The following RBM39 variants were observed in gnomAD, a reference collection of about 807,000 sequenced individuals.
The protein encoded by RBM39 is RNA-binding protein 39.
In RBM39, 12 loss-of-function variants were observed where a neutral mutation model predicts 79.6. The observed-to-expected ratio is 0.15, with a 90% CI of 0.10 to 0.24. The LOEUF is 0.24. Among genes scored for constraint, RBM39 ranks in the 10% least tolerant of loss-of-function variants. RBM39 has a pLI of 1.00. For synonymous variants in RBM39, 185 were observed against 208.4 expected (o/e 0.89, Z 0.97); for missense variants, 243 against 653.4 (o/e 0.37, Z 6.85).
chr20:35,723,442 CT>C (rs1031613776), intron 8 of RBM39, among the ~76,000 whole-genome samples: 3 of 152,062 alleles, frequency 2.0e-5, no homozygotes, highest in Admixed American at 1.3e-4. Context: ...TTGAGTAACT[CT>C]TTTTTCTTTT....
chr20:35,741,978 G>C lies in RBM39; in HGVS notation c.-51C>G, dbSNP rs1480862959. On this transcript the variant is annotated 5_prime_UTR_variant, in exon 1 of 17. Transcript: ENST00000253363. ...TCGGGCGCCTGTGGTGCTCGTGTTCGGGAAGAGATTGCTGCTGCTGCTGCT... is the reference window on the plus strand; with the variant it reads ...TCGGGCGCCTGTGGTGCTCGTGTTCCGGAAGAGATTGCTGCTGCTGCTGCT... The C allele has an allele frequency of 8.2e-6, 2 of 242,462 alleles. No individual in the cohort carries two copies. Among genetic ancestry groups the C allele is most frequent in the Non-Finnish European group, 1.6e-5 (2 of 122,264 alleles). The allele number at this position is 242,462 out of a possible 1,614,324, so 15.0% of individuals were successfully genotyped here. A position where few individuals can be genotyped will look rare whatever the true frequency, so the allele number is the denominator to read the frequency against.
intron 12 of RBM39, chr20:35,710,682 A>G (rs1273805550): frequency 6.6e-6 from 1 of 152,224 alleles, no homozygotes; most frequent in Non-Finnish European, 1.5e-5. Context: ...CCTCAAACAC[A>G]GTAAACACTC....
At chr20:35,711,634 G>A (rs935007614) in intron 12 of RBM39, among the ~76,000 whole-genome samples, 1 of 152,058 alleles carries the variant, frequency 6.6e-6, no homozygotes, top group Admixed American at 6.5e-5. Context: ...GTTTTCTAAA[G>A]GTACTCACAC....
chr20:35,724,468 A>C (rs904689961), intron 8 of RBM39, 102 bp downstream of exon 8: 5 of 1,111,542 alleles, frequency 4.5e-6, no homozygotes, highest in Admixed American at 5.7e-5. Flanking sequence ...CATCCGACTC[A>C]ACGTAATGAG....
rs2146777254 is a variant in RBM39 at position 35,741,914 on chromosome 20, A to G, written c.-14+27T>C. 1.7e-5 allele frequency: 3 copies of G among 174,980 alleles called. No homozygotes were observed. The South Asian group carries it at 2.5e-4, about 14-fold the overall frequency. 10.8% of individuals were successfully genotyped at this position (174,980 alleles called of 1,614,324 possible). ...AGCCAAACCTCGAGAAAGCTGAGAT[A>G]ATACGCGGGTCCGCAACGCCCCGTA... On this transcript the variant is annotated intron_variant, in intron 1 of 16. Coordinates refer to ENST00000253363, the MANE Select transcript of RBM39 (RefSeq NM_184234.3).
chr20:35,733,755 C>T lies in RBM39; in HGVS notation c.102-1620G>A, dbSNP rs527490262. On this transcript the variant is annotated intron_variant, in intron 3 of 16. Transcript: ENST00000253363. Reference sequence around the variant, plus strand: ...CCATTTTTAAGCCAGTTTATAGAAACCTGTGGGATGCAATCAAAACCAATG... The same window carrying T: ...CCATTTTTAAGCCAGTTTATAGAAATCTGTGGGATGCAATCAAAACCAATG... Among the ~76,000 whole-genome samples, 22 of 152,248 alleles carry T rather than the reference C, an allele frequency of 1.4e-4. 1 individual carries two copies. In the South Asian group the frequency reaches 4.6e-3, roughly 32 times the overall value.
chr20:35,737,735 G>A (rs560932549), intron 3 of RBM39, among the ~76,000 whole-genome samples: 21 of 150,742 alleles, frequency 1.4e-4, no homozygotes, highest in Non-Finnish European at 2.4e-4. Flanking sequence ...TGTAGTCCCT[G>A]CTACCTGGGA....
At chr20:35,722,794 C>T (rs1022134996) in intron 8 of RBM39, among the ~76,000 whole-genome samples, 2 of 151,472 alleles carry the variant, frequency 1.3e-5, no homozygotes, top group African/African-American at 4.9e-5. Flanking sequence ...ATTAGCCGGG[C>T]GTGGTGGCAG....
chr20:35,736,290 C>G (rs2039896141), intron 3 of RBM39, among the ~76,000 whole-genome samples: 2 of 152,084 alleles, frequency 1.3e-5, no homozygotes, highest in African/African-American at 4.8e-5. Flanking sequence ...AAGACTAAAC[C>G]CAACCTGATC....
intron 2 of RBM39, 46 bp downstream of exon 2, chr20:35,740,778 G>T: frequency 1.3e-6 from 2 of 1,560,602 alleles, no homozygotes; most frequent in Middle Eastern, 1.7e-4. Flanking sequence ...CGTGAATAAT[G>T]CTAAATTAAG....
chr20:35,712,777 T>C (rs557613614), intron 12 of RBM39, among the ~76,000 whole-genome samples: 1 of 152,156 alleles, frequency 6.6e-6, no homozygotes, highest in Non-Finnish European at 1.5e-5. Context: ...AAAATAAACT[T>C]ATGTCAATGA....
chr20:35,736,494 T>C (rs1025648097), intron 3 of RBM39: 16 of 431,498 alleles, frequency 3.7e-5, no homozygotes, highest in Admixed American at 3.2e-4. Flanking sequence ...ATCTGTTTTA[T>C]GAAATTTTAT....
chr20:35,706,780 C>A (rs1445569017), intron 14 of RBM39, among the ~76,000 whole-genome samples: 1 of 152,064 alleles, frequency 6.6e-6, no homozygotes, highest in Non-Finnish European at 1.5e-5. Context: ...GTAATCCCAG[C>A]ACTTTGGTAG....
intron 8 of RBM39, among the ~76,000 whole-genome samples, chr20:35,723,752 T>A (rs2038295531): frequency 6.6e-6 from 1 of 152,184 alleles, no homozygotes. Flanking sequence ...TACTAAAATA[T>A]TAAATGCTGT....
At chr20:35,733,281 CA>C (rs1373994928) in intron 3 of RBM39, among the ~76,000 whole-genome samples, 4 of 116,616 alleles carry the variant, frequency 3.4e-5, no homozygotes, top group African/African-American at 1.3e-4. Context: ...CCAGCCTGGG[CA>C]AAAAGAGCAA....
At chr20:35,739,081 G>A (rs1276321487) in intron 2 of RBM39, 64 bp from the exon 3 acceptor site, 11 of 1,299,338 alleles carry the variant, frequency 8.5e-6, no homozygotes, top group Non-Finnish European at 1.2e-5. Flanking sequence ...TTGTCAAAGG[G>A]TAAAGGGAAC....
chr20:35,708,557 G>GA (rs2036031329), intron 13 of RBM39, among the ~76,000 whole-genome samples: 1 of 151,854 alleles, frequency 6.6e-6, no homozygotes, highest in African/African-American at 2.4e-5. Context: ...GACTGTGATG[G>GA]AACATGACAT....
chr20:35,729,072 T>C (rs1244063502), intron 6 of RBM39, among the ~76,000 whole-genome samples: 1 of 97,940 alleles, frequency 1.0e-5, no homozygotes, highest in African/African-American at 3.7e-5. Context: ...TGAGACTCCG[T>C]CTCAAAATAA....
intron 8 of RBM39, among the ~76,000 whole-genome samples, chr20:35,722,152 A>C (rs2038021193): frequency 6.6e-6 from 1 of 152,160 alleles, no homozygotes; most frequent in Non-Finnish European, 1.5e-5. Context: ...TCACACCTGT[A>C]ATCCCAGCAC....
Sources: gnomAD v4.1 joint callset for allele counts (sites outside exome capture counted in the v4.1 genomes callset) on GRCh38, gnomAD v4.1.1 for gene constraint, MANE v1.5 for transcripts, NCBI Gene and HGNC (gene_info 2026-07-23, HGNC 2026-07-21) for gene names.